Variants in ADRA1B observed in about 807,000 individuals in gnomAD.
The protein encoded by ADRA1B is alpha-1B adrenergic receptor.
ADRA1B carries 17 observed loss-of-function variants against 17.9 expected under a neutral mutation model. The observed-to-expected ratio is 0.95, with a 90% CI of 0.65 to 1.42. The LOEUF (loss-of-function observed/expected upper bound fraction) is 1.42, where lower values mean the gene tolerates loss of function less well. Ranked by LOEUF, ADRA1B falls within the 40% of genes most tolerant of loss-of-function variation. ADRA1B has a pLI of 0.00. For missense variants in ADRA1B, 681 were observed against 722.1 expected (o/e 0.94, Z 0.65); for synonymous variants, 366 against 327.6 (o/e 1.12, Z -1.27).
At chr5:159,882,217 A>T (rs77290983) in intron 1 of ADRA1B, among the ~76,000 whole-genome samples, 4,449 of 152,238 alleles carry the variant, frequency 0.029, 79 homozygotes, top group Middle Eastern at 0.071. Context: ...TCCCTTACAG[A>T]TCATCTAGCC....
chr5:159,887,836 C>A (rs573076215), intron 1 of ADRA1B, among the ~76,000 whole-genome samples: 1 of 152,076 alleles, frequency 6.6e-6, no homozygotes, highest in South Asian at 2.1e-4. Flanking sequence ...TAACTATGCT[C>A]CATGGAGCCC....
upstream of ADRA1B, among the ~76,000 whole-genome samples, chr5:159,915,298 T>C (rs1188391893): frequency 1.3e-5 from 2 of 152,182 alleles, no homozygotes; most frequent in African/African-American, 4.8e-5. Flanking sequence ...TTCCCCATAA[T>C]TTGGTGTCTC....
chr5:159,986,788 C>T, the ADRA1B span, among the ~76,000 whole-genome samples: 1 of 152,154 alleles, frequency 6.6e-6, no homozygotes, highest in Non-Finnish European at 1.5e-5. Context: ...TTTTTGGAGA[C>T]GTTAGCCCCA....
downstream of ADRA1B, among the ~76,000 whole-genome samples, chr5:159,977,077 GT>G (rs1341916863): frequency 6.6e-6 from 1 of 152,180 alleles, no homozygotes; most frequent in Non-Finnish European, 1.5e-5. Flanking sequence ...CATTCCAGCA[GT>G]TCTCAACTTT....
At chr5:159,960,000 A>T (rs1343513011) in intron 1 of ADRA1B, among the ~76,000 whole-genome samples, 2 of 152,232 alleles carry the variant, frequency 1.3e-5, no homozygotes, top group Non-Finnish European at 1.5e-5. Flanking sequence ...ATACACTCAC[A>T]GCTTCCATTT....
At position 159,972,374 on chromosome 5, in the gene ADRA1B, C is replaced by T. The variant is rs1384371011; in HGVS notation, c.1445C>T (p.Pro482Leu). 1.3e-6 allele frequency: 2 copies of T among 1,512,942 alleles called. No homozygotes were observed. Among genetic ancestry groups the T allele is most frequent in the Admixed American group, 2.0e-5 (1 of 49,318 alleles). 93.7% of individuals were successfully genotyped at this position (1,512,942 alleles called of 1,614,324 possible). ...TTCACCTTCAAGCTCCTGACCGAGCCCGAGAGCCCCGGGACCGACGGCGGC... is the reference window on the plus strand; with the variant it reads ...TTCACCTTCAAGCTCCTGACCGAGCTCGAGAGCCCCGGGACCGACGGCGGC... ...PLFTFKLLTE[P>L]ESPGTDGGAS... Residue 482 changes from proline to leucine, a missense_variant, in exon 2 of 2, where the codon CCC (proline) becomes CTC (leucine). Around this residue, in one of 3 missense-constraint regions of ADRA1B, gnomAD observed 251 missense variants for 224.9 expected, o/e 1.12. Transcript: ENST00000306675.
the ADRA1B span, among the ~76,000 whole-genome samples, chr5:159,980,959 C>T: frequency 1.3e-5 from 2 of 152,154 alleles, no homozygotes; most frequent in African/African-American, 4.8e-5. Context: ...GAAAACAAAT[C>T]ATAAATCCAA....
intron 1 of ADRA1B, among the ~76,000 whole-genome samples, chr5:159,954,317 T>G (rs552967538): frequency 3.3e-5 from 5 of 152,194 alleles, no homozygotes; most frequent in Non-Finnish European, 1.5e-5. Flanking sequence ...GTCTTCCAAG[T>G]TGCAGACAGA....
At chr5:159,951,393 G>C in intron 1 of ADRA1B, 1 of 860,680 alleles carries the variant, frequency 1.2e-6, no homozygotes, top group East Asian at 2.4e-5. Context: ...GTCAATGAAG[G>C]GTCATTAATG....
the ADRA1B span, among the ~76,000 whole-genome samples, chr5:159,985,504 G>T: frequency 6.6e-6 from 1 of 152,164 alleles, no homozygotes; most frequent in East Asian, 1.9e-4. Context: ...GTAGTAGCAT[G>T]CTAAAGCTGA....
At chr5:159,901,459 G>A (rs1049958455) in intron 1 of ADRA1B, among the ~76,000 whole-genome samples, 6 of 145,924 alleles carry the variant, frequency 4.1e-5, no homozygotes, top group Admixed American at 3.4e-4. Context: ...GGAGGGGGAC[G>A]GGAAGGAGAA....
chr5:159,904,371 A>C (rs1176288353), intron 1 of ADRA1B, among the ~76,000 whole-genome samples: 1 of 152,210 alleles, frequency 6.6e-6, no homozygotes, highest in Non-Finnish European at 1.5e-5. Context: ...ACAGCACATG[A>C]AAAAGTGTGG....
chr5:159,968,268 C>T (rs1301725680), intron 1 of ADRA1B, among the ~76,000 whole-genome samples: 1 of 152,190 alleles, frequency 6.6e-6, no homozygotes, highest in Non-Finnish European at 1.5e-5. Flanking sequence ...ATTAAATAAG[C>T]TAGTGGTGTG....
chr5:159,961,390 C>T (rs1755662094), intron 1 of ADRA1B, among the ~76,000 whole-genome samples: 2 of 152,212 alleles, frequency 1.3e-5, no homozygotes, highest in African/African-American at 4.8e-5. Context: ...TGTTTTAAAA[C>T]TTAACATGGC....
In ADRA1B at chr5:159,971,959, A is replaced by G. The variant is rs754540841; in HGVS notation, c.1030A>G (p.Asn344Asp). Residue 344 changes from asparagine to aspartate, a missense_variant, in exon 2 of 2, where the codon AAC becomes GAC. Coordinates refer to ENST00000306675, the MANE Select transcript of ADRA1B (RefSeq NM_000679.4). ...FWLGYFNSCL[N>D]PIIYPCSSKE... is the part of the protein sequence containing the mutation. Reference sequence around the variant, plus strand: ...GCTGGGCTACTTCAACAGCTGCCTCAACCCCATCATCTACCCATGCTCCAG... The same window carrying G: ...GCTGGGCTACTTCAACAGCTGCCTCGACCCCATCATCTACCCATGCTCCAG... 1 of 1,463,882 alleles carries G rather than the reference A, an allele frequency of 6.8e-7. No individual in the cohort carries two copies. The highest frequency in any genetic ancestry group is 9.1e-7 in the Non-Finnish European group (1 of 1,100,992). 90.7% of individuals were successfully genotyped at this position (1,463,882 alleles called of 1,614,324 possible).
chr5:159,972,442 G>C lies in ADRA1B; in HGVS notation c.1513G>C (p.Gly505Arg). 2 of 1,493,930 alleles carry C rather than the reference G, an allele frequency of 1.3e-6. No homozygotes were observed. Among genetic ancestry groups the C allele is most frequent in the Non-Finnish European group, 8.9e-7 (1 of 1,126,240 alleles). The allele number at this position is 1,493,930 out of a possible 1,614,324, so 92.5% of individuals were successfully genotyped here. Residue 505 changes from glycine (G) to arginine (R), a missense_variant, in exon 2 of 2, where the codon GGG becomes CGG. Physicochemically the swap from Gly to Arg is moderately radical, Grantham distance 125 (BLOSUM62 -2). Transcript: ENST00000306675. Reference sequence around the variant, plus strand: ...CGAGGCCGCGGCCGACGTGGCCAACGGGCAGCCGGGCTTCAAAAGCAACAT... The same window carrying C: ...CGAGGCCGCGGCCGACGTGGCCAACCGGCAGCCGGGCTTCAAAAGCAACAT... ...GCEAAADVAN[G>R]QPGFKSNMPL...
At chr5:159,897,126 T>A (rs1357388953) in intron 1 of ADRA1B, among the ~76,000 whole-genome samples, 2 of 152,196 alleles carry the variant, frequency 1.3e-5, no homozygotes, top group Non-Finnish European at 2.9e-5. Context: ...AAAATGCAGC[T>A]TTTTAAACCC....
chr5:159,884,046 G>A (rs141036856), intron 1 of ADRA1B, among the ~76,000 whole-genome samples: 1 of 152,334 alleles, frequency 6.6e-6, no homozygotes, highest in East Asian at 1.9e-4. Context: ...ACAGAGAGAA[G>A]TGGTCTGTGG....
intron 1 of ADRA1B, among the ~76,000 whole-genome samples, chr5:159,930,947 T>C (rs1430165427): frequency 6.7e-6 from 1 of 148,884 alleles, no homozygotes; most frequent in African/African-American, 2.4e-5. Context: ...AAAAGAAGAT[T>C]GTTGTTCTTA....
Sources: gnomAD v4.1 joint callset for allele counts (sites outside exome capture counted in the v4.1 genomes callset) on GRCh38, gnomAD v4.1.1 for gene constraint, gnomAD v4.1.1 regional missense constraint, MANE v1.5 for transcripts, NCBI Gene and HGNC (gene_info 2026-07-23, HGNC 2026-07-21) for gene names.